Variants in LRP1B observed in about 807,000 individuals in gnomAD.
The protein encoded by LRP1B is low-density lipoprotein receptor-related protein 1B.
LRP1B carries 217 observed loss-of-function variants against 556.6 expected under a neutral mutation model. The observed-to-expected ratio is 0.39, with a 90% CI of 0.35 to 0.44. The LOEUF (loss-of-function observed/expected upper bound fraction) is 0.44. Among genes scored for constraint, LRP1B ranks in the 20% least tolerant of loss-of-function variants. The probability of loss-of-function intolerance (pLI) is 1.00; values close to 1 mark genes in which losing one functional copy is unlikely to be tolerated. For missense variants in LRP1B, 5,053 were observed against 5,620.8 expected (o/e 0.90, Z 3.23); for synonymous variants, 2,047 against 1,865.8 (o/e 1.10, Z -2.50).
intron 41 of LRP1B, among the ~76,000 whole-genome samples, chr2:140,648,148 A>T (rs929839028): frequency 6.6e-6 from 1 of 152,180 alleles, no homozygotes; most frequent in Admixed American, 6.5e-5. Context: ...AGGGACATGG[A>T]TGAAGCTAGA....
chr2:142,002,813 T>C (rs1335897258), intron 1 of LRP1B, among the ~76,000 whole-genome samples: 1 of 152,054 alleles, frequency 6.6e-6, no homozygotes, highest in African/African-American at 2.4e-5. Flanking sequence ...AAGAGAGATG[T>C]AGTGGGTGGC....
chr2:140,461,601 G>A (rs942460955), intron 60 of LRP1B, among the ~76,000 whole-genome samples: 7 of 152,122 alleles, frequency 4.6e-5, no homozygotes, highest in Non-Finnish European at 8.8e-5. Flanking sequence ...TTGGGAGGCC[G>A]AGGCAAGCTG....
At chr2:140,752,271 A>T (rs1289544342) in intron 35 of LRP1B, among the ~76,000 whole-genome samples, 1 of 152,128 alleles carries the variant, frequency 6.6e-6, no homozygotes, top group African/African-American at 2.4e-5. Context: ...GCCACGGAAT[A>T]AATAGAATTC....
At chr2:141,216,632 T>C (rs1682827086) in intron 6 of LRP1B, among the ~76,000 whole-genome samples, 1 of 152,202 alleles carries the variant, frequency 6.6e-6, no homozygotes, top group African/African-American at 2.4e-5. Flanking sequence ...AGATGTACCC[T>C]ACAAAGCTAC....
chr2:141,192,610 A>G (rs1301052881), intron 6 of LRP1B, among the ~76,000 whole-genome samples: 2 of 151,822 alleles, frequency 1.3e-5, no homozygotes, highest in African/African-American at 4.8e-5. Flanking sequence ...TTTTTCAACC[A>G]AAAGTCACCT....
chr2:141,300,501 G>A (rs1002173875), intron 3 of LRP1B, among the ~76,000 whole-genome samples: 4 of 152,178 alleles, frequency 2.6e-5, no homozygotes, highest in African/African-American at 9.7e-5. Context: ...GTTTGGATCA[G>A]TGTCCTCAAC....
intron 2 of LRP1B, among the ~76,000 whole-genome samples, chr2:141,544,347 T>TTCTTCTTC (rs1685443308): frequency 1.2e-5 from 1 of 84,812 alleles, no homozygotes; most frequent in African/African-American, 4.4e-5. Context: ...CTTCTTCTTC[T>TTCTTCTTC]TCTTCTTCTT....
At chr2:140,478,762 C>T (rs1688088944) in intron 59 of LRP1B, among the ~76,000 whole-genome samples, 1 of 152,000 alleles carries the variant, frequency 6.6e-6, no homozygotes, top group Admixed American at 6.6e-5. Flanking sequence ...CTAAAAGAAG[C>T]AATTACAGTT....
At chr2:141,987,600 G>T (rs1702233175) in intron 1 of LRP1B, among the ~76,000 whole-genome samples, 1 of 148,070 alleles carries the variant, frequency 6.8e-6, no homozygotes. Flanking sequence ...TGTCTGTAGA[G>T]CTTAGGGTTT....
chr2:140,577,346 G>C (rs192343347), intron 43 of LRP1B, among the ~76,000 whole-genome samples: 42 of 152,046 alleles, frequency 2.8e-4, no homozygotes, highest in Non-Finnish European at 4.4e-4. Context: ...AGCTGGGCCT[G>C]GTGGTGCGCA....
rs142034525 is a variant in LRP1B, at chr2:141,348,753, G to C, written c.344-94112C>G. Among the ~76,000 whole-genome samples, 731 of 152,132 alleles carry C rather than the reference G, an allele frequency of 4.8e-3. 14 individuals are homozygous for C. The highest frequency in any genetic ancestry group is 0.016 in the African/African-American group (661 of 41,502). ...GCATGTTCAAATAACCTGTTGATATGGTTTGGTTGTGTCCCCAGCCAAATG... is the reference window on the plus strand; with the variant it reads ...GCATGTTCAAATAACCTGTTGATATCGTTTGGTTGTGTCCCCAGCCAAATG... On this transcript the variant is annotated intron_variant, in intron 3 of 90. Coordinates refer to ENST00000389484, the MANE Select transcript of LRP1B (RefSeq NM_018557.3).
intron 75 of LRP1B, among the ~76,000 whole-genome samples, chr2:140,355,306 A>G (rs1227472219): frequency 6.6e-6 from 1 of 151,910 alleles, no homozygotes; most frequent in Non-Finnish European, 1.5e-5. Flanking sequence ...AATTGATAGA[A>G]AGAGCCTGGG....
intron 1 of LRP1B, among the ~76,000 whole-genome samples, chr2:141,977,949 T>C (rs1393562973): frequency 6.6e-6 from 1 of 152,172 alleles, no homozygotes; most frequent in Non-Finnish European, 1.5e-5. Flanking sequence ...GTAAGAGAAC[T>C]ACTTACGAAG....
intron 3 of LRP1B, among the ~76,000 whole-genome samples, chr2:141,460,258 C>G (rs986453315): frequency 3.3e-5 from 5 of 152,170 alleles, no homozygotes; most frequent in Admixed American, 1.3e-4. Flanking sequence ...TCAGCTCTTT[C>G]TTATTACAAT....
At chr2:140,879,964 A>T (rs1693423197) in intron 25 of LRP1B, among the ~76,000 whole-genome samples, 1 of 150,990 alleles carries the variant, frequency 6.6e-6, no homozygotes. Context: ...AAAAAAAAAA[A>T]GAGGTTACTT....
At chr2:140,437,229 CTG>C (rs1196980511) in intron 66 of LRP1B, among the ~76,000 whole-genome samples, 3 of 152,258 alleles carry the variant, frequency 2.0e-5, no homozygotes, top group Non-Finnish European at 4.4e-5. Context: ...GTTCCAGAGA[CTG>C]TGTGGATAGA....
At chr2:140,886,423 A>T (rs1164137313) in intron 23 of LRP1B, 88 bp from the exon 24 acceptor site, 6 of 684,340 alleles carry the variant, frequency 8.8e-6, no homozygotes, top group Non-Finnish European at 1.4e-5. Flanking sequence ...ATTTAAAAGT[A>T]TAATTTATTA....
At chr2:141,211,481 C>T (rs1682549717) in intron 6 of LRP1B, among the ~76,000 whole-genome samples, 1 of 151,598 alleles carries the variant, frequency 6.6e-6, no homozygotes, top group Non-Finnish European at 1.5e-5. Flanking sequence ...CTAGCCGGCC[C>T]TGGTGGTGCG....
At chr2:140,877,890 C>G (rs1388741066) in intron 25 of LRP1B, among the ~76,000 whole-genome samples, 1 of 152,188 alleles carries the variant, frequency 6.6e-6, no homozygotes, top group Admixed American at 6.6e-5. Context: ...TATCCTCAAC[C>G]TTGGCCAAAT....
Sources: gnomAD v4.1 joint callset for allele counts (sites outside exome capture counted in the v4.1 genomes callset) on GRCh38, gnomAD v4.1.1 for gene constraint, MANE v1.5 for transcripts, NCBI Gene and HGNC (gene_info 2026-07-23, HGNC 2026-07-21) for gene names.